The following EYS variants were observed in gnomAD, a reference collection of about 807,000 sequenced individuals.
EYS encodes the protein EGF-like photoreceptor maintenance factor, also known as protein eyes shut homolog.
Under a neutral mutation model 282.1 loss-of-function variants are expected in EYS, and 250 were observed. The ratio of observed to expected loss-of-function variants is 0.89; its 90% CI spans 0.80 to 0.98. EYS has a LOEUF of 0.98. EYS is among the 50% of genes least tolerant of loss of function. EYS has a pLI of 0.00. For missense variants in EYS, 4,016 were observed against 3,709.0 expected (o/e 1.08, Z -2.15); for synonymous variants, 1,355 against 1,282.9 (o/e 1.06, Z -1.20).
chr6:64,612,688 G>T (rs1338244430), intron 24 of EYS, among the ~76,000 whole-genome samples: 2 of 151,744 alleles, frequency 1.3e-5, no homozygotes, highest in African/African-American at 4.8e-5. Flanking sequence ...CAGAAATAAA[G>T]AAAAAAACAG....
At chr6:65,204,883 T>C (rs150075208) in intron 12 of EYS, among the ~76,000 whole-genome samples, 52 of 88,338 alleles carry the variant, frequency 5.9e-4, no homozygotes, top group African/African-American at 2.5e-3. Flanking sequence ...TGGAAGAACG[T>C]ATTTATATAT....
At chr6:63,776,637 C>T (rs918079855) in intron 40 of EYS, among the ~76,000 whole-genome samples, 3 of 152,080 alleles carry the variant, frequency 2.0e-5, no homozygotes, top group African/African-American at 7.2e-5. Context: ...CTATATTAAT[C>T]AAAATAATCT....
At chr6:64,624,363 A>T (rs552195620) in intron 23 of EYS, among the ~76,000 whole-genome samples, 1 of 152,322 alleles carries the variant, frequency 6.6e-6, no homozygotes, top group Admixed American at 6.5e-5. Flanking sequence ...AACAAAATTT[A>T]TATGGGTATT....
At chr6:63,924,589 A>T (rs556867991) in intron 35 of EYS, among the ~76,000 whole-genome samples, 12 of 152,244 alleles carry the variant, frequency 7.9e-5, no homozygotes, top group Non-Finnish European at 1.5e-4. Flanking sequence ...GGGGGTTATC[A>T]TCAGTATAAG....
intron 19 of EYS, among the ~76,000 whole-genome samples, chr6:64,840,115 C>T (rs919677034): frequency 6.6e-6 from 1 of 151,996 alleles, no homozygotes; most frequent in Non-Finnish European, 1.5e-5. Flanking sequence ...TGATTAAGAA[C>T]TTTGCTTTTG....
chr6:63,961,738 C>T (rs1207893001), intron 35 of EYS, among the ~76,000 whole-genome samples: 1 of 152,074 alleles, frequency 6.6e-6, no homozygotes, highest in Non-Finnish European at 1.5e-5. Flanking sequence ...TGGTGGAGCC[C>T]TTGTAACCTA....
At chr6:64,973,505 T>A (rs973273938) in intron 14 of EYS, among the ~76,000 whole-genome samples, 1 of 152,212 alleles carries the variant, frequency 6.6e-6, no homozygotes, top group South Asian at 2.1e-4. Flanking sequence ...GAAAATAGTT[T>A]ACTTTTCTCT....
chr6:65,070,547 A>C (rs1773873570), intron 12 of EYS, among the ~76,000 whole-genome samples: 1 of 151,452 alleles, frequency 6.6e-6, no homozygotes, highest in South Asian at 2.1e-4. Context: ...TTGTGGGTAC[A>C]CTGTAGGTTA....
chr6:63,723,530 A>G (rs1191105508), intron 42 of EYS, among the ~76,000 whole-genome samples: 1 of 152,084 alleles, frequency 6.6e-6, no homozygotes, highest in Non-Finnish European at 1.5e-5. Flanking sequence ...AAAATATCTA[A>G]GAAATGATTA....
chr6:64,530,509 A>C (rs1430299922), intron 26 of EYS, among the ~76,000 whole-genome samples: 1 of 152,066 alleles, frequency 6.6e-6, no homozygotes, highest in African/African-American at 2.4e-5. Flanking sequence ...TATATGCAAT[A>C]ATTTTACCAA....
chr6:64,468,526 A>T (rs2150490454), intron 26 of EYS, among the ~76,000 whole-genome samples: 1 of 152,302 alleles, frequency 6.6e-6, no homozygotes, highest in East Asian at 1.9e-4. Context: ...TTTTATGTTC[A>T]GGGGTACGTG....
intron 12 of EYS, among the ~76,000 whole-genome samples, chr6:65,179,423 T>A (rs1235878584): frequency 2.6e-5 from 4 of 152,102 alleles, no homozygotes; most frequent in Non-Finnish European, 5.9e-5. Context: ...CAGAGAATAC[T>A]ATAAACACCT....
At chr6:64,610,053 G>A (rs1041372090) in intron 24 of EYS, among the ~76,000 whole-genome samples, 2 of 151,954 alleles carry the variant, frequency 1.3e-5, no homozygotes, top group African/African-American at 2.4e-5. Context: ...GTAAGTATGG[G>A]CATTTAAAAT....
chr6:65,092,953 C>G (rs1445159544), intron 12 of EYS, among the ~76,000 whole-genome samples: 1 of 152,062 alleles, frequency 6.6e-6, no homozygotes, highest in Non-Finnish European at 1.5e-5. Context: ...GTTTTGGAAG[C>G]AAATGACATT....
At chr6:63,831,707 T>G (rs541432133) in intron 36 of EYS, among the ~76,000 whole-genome samples, 1 of 152,198 alleles carries the variant, frequency 6.6e-6, no homozygotes, top group Non-Finnish European at 1.5e-5. Flanking sequence ...AGCTCTGCAC[T>G]AAGCAGACAT....
At chr6:63,879,350 T>G (rs902024053) in intron 35 of EYS, among the ~76,000 whole-genome samples, 1 of 152,196 alleles carries the variant, frequency 6.6e-6, no homozygotes, top group African/African-American at 2.4e-5. Flanking sequence ...TAGGCTTTTA[T>G]TATAATTAAG....
chr6:65,538,769 AT>A (rs1228150087), intron 2 of EYS, among the ~76,000 whole-genome samples: 2 of 152,130 alleles, frequency 1.3e-5, no homozygotes, highest in African/African-American at 4.8e-5. Context: ...AGTATTCAAA[AT>A]TCCATACCAT....
chr6:65,212,924 C>A (rs764068321), intron 12 of EYS, among the ~76,000 whole-genome samples: 1 of 152,016 alleles, frequency 6.6e-6, no homozygotes, highest in Admixed American at 6.5e-5. Context: ...GAGATGCTTT[C>A]AATTTTGGAC....
At chr6:64,956,180 T>G (rs1769695795) in intron 14 of EYS, among the ~76,000 whole-genome samples, 1 of 152,156 alleles carries the variant, frequency 6.6e-6, no homozygotes, top group Admixed American at 6.6e-5. Context: ...ATTACATTAC[T>G]TGACTTCAAA....
Sources: gnomAD v4.1 joint callset for allele counts (sites outside exome capture counted in the v4.1 genomes callset) on GRCh38, gnomAD v4.1.1 for gene constraint, MANE v1.5 for transcripts, NCBI Gene and HGNC (gene_info 2026-07-23, HGNC 2026-07-21) for gene names.